Variants in MTOR observed in about 807,000 individuals in gnomAD.
MTOR encodes the protein serine/threonine-protein kinase mTOR.
In MTOR, 70 loss-of-function variants were observed where a neutral mutation model predicts 319.8. The ratio of observed to expected loss-of-function variants is 0.22; its 90% CI spans 0.18 to 0.27. MTOR has a LOEUF of 0.27. Ranked by LOEUF, MTOR falls within the 10% of genes least tolerant of loss-of-function variation. The probability of loss-of-function intolerance (pLI) is 1.00; values close to 1 mark genes in which losing one functional copy is unlikely to be tolerated. For missense variants in MTOR, 1,890 were observed against 3,274.4 expected (o/e 0.58, Z 10.32); for synonymous variants, 1,183 against 1,211.4 (o/e 0.98, Z 0.49).
At chr1:11,134,235 G>A (rs938635148) in intron 37 of MTOR, 116 bp downstream of exon 37, 4 of 831,928 alleles carry the variant, frequency 4.8e-6, no homozygotes, top group African/African-American at 1.7e-5. Flanking sequence ...ACTGGAAAAG[G>A]AAAGAGAGAT....
chr1:11,106,673 C>G lies in MTOR; in HGVS notation c.*812G>C, dbSNP rs1641594318. The G allele has an allele frequency of 8.8e-7, 1 of 1,142,668 alleles. No individual in the cohort carries two copies. Among genetic ancestry groups the G allele is most frequent in the Non-Finnish European group, 1.1e-6 (1 of 923,142 alleles). 70.8% of individuals were successfully genotyped at this position (1,142,668 alleles called of 1,614,324 possible). A position where few individuals can be genotyped will look rare whatever the true frequency, so the allele number is the denominator to read the frequency against. ...TCATAATTTCCAATATGTACCAGAC[C>G]TTCCCTGTGTTCAGCACCTCCATGA... On this transcript the variant is annotated 3_prime_UTR_variant, in exon 58 of 58. Coordinates refer to ENST00000361445, the MANE Select transcript of MTOR (RefSeq NM_004958.4).
At chr1:11,148,404 G>C (rs1644009253) in intron 31 of MTOR, among the ~76,000 whole-genome samples, 2 of 152,152 alleles carry the variant, frequency 1.3e-5, no homozygotes, top group African/African-American at 4.8e-5. Flanking sequence ...CTGGTATAGA[G>C]CTATCGAAAA....
intron 29 of MTOR, among the ~76,000 whole-genome samples, chr1:11,164,677 C>G (rs1644587595): frequency 6.6e-6 from 1 of 152,160 alleles, no homozygotes; most frequent in Non-Finnish European, 1.5e-5. Flanking sequence ...CAAAGAGGAG[C>G]TGGTACCATT....
chr1:11,227,163 T>C (rs1353039159), intron 19 of MTOR, among the ~76,000 whole-genome samples: 1 of 151,414 alleles, frequency 6.6e-6, no homozygotes, highest in Non-Finnish European at 1.5e-5. Flanking sequence ...CCGGGCTTGG[T>C]GGTGCACCCC....
intron 19 of MTOR, among the ~76,000 whole-genome samples, chr1:11,221,449 C>T (rs1246896873): frequency 2.6e-5 from 4 of 151,958 alleles, no homozygotes; most frequent in Non-Finnish European, 5.9e-5. Flanking sequence ...TTAATACTAA[C>T]ATTGGTCATT....
At chr1:11,260,882 C>G (rs1192051751) in intron 1 of MTOR, among the ~76,000 whole-genome samples, 1 of 151,342 alleles carries the variant, frequency 6.6e-6, no homozygotes, top group African/African-American at 2.4e-5. Flanking sequence ...ATCCACCTCC[C>G]GGGTTCAAAT....
chr1:11,231,118 C>T (rs1173425998), intron 17 of MTOR, 64 bp from the exon 18 acceptor site: 35 of 1,610,764 alleles, frequency 2.2e-5, no homozygotes, highest in African/African-American at 1.6e-4. Flanking sequence ...ACAAGTATCA[C>T]GGATACTCCT....
rs549247994 is a variant in MTOR, at chr1:11,228,648, T to C, written c.3030+20A>G. 19 of 1,611,058 alleles carry C rather than the reference T, an allele frequency of 1.2e-5. No individual in the cohort carries two copies. In the East Asian group the frequency reaches 3.8e-4, roughly 32 times the overall value. ...GTGGTGCAGAGGAGAAAGAGAAGGA[T>C]TGGGGTTTGAGGTACTTACTTCCCG... On this transcript the variant is annotated intron_variant, in intron 19 of 57. Transcript: ENST00000361445.
rs2100412317 is a variant in MTOR, at chr1:11,127,985, C to T, written c.6033+19G>A. On this transcript the variant is annotated intron_variant, in intron 43 of 57. Coordinates refer to ENST00000361445, the MANE Select transcript of MTOR (RefSeq NM_004958.4). The surrounding 1 kb of genome is among the most constrained non-coding windows in gnomAD (Gnocchi z 5.5). Reference sequence around the variant, plus strand: ...TAAGGGACCAGGGTCTATGAAGCCCCACAGTGGCTCCGACCCACCATCATG... The same window carrying T: ...TAAGGGACCAGGGTCTATGAAGCCCTACAGTGGCTCCGACCCACCATCATG... 1 of 1,613,086 alleles carries T rather than the reference C, an allele frequency of 6.2e-7. No individual in the cohort carries two copies. The highest frequency in any genetic ancestry group is 8.5e-7 in the Non-Finnish European group (1 of 1,179,924).
At chr1:11,228,592 G>C (rs2100853192) in intron 19 of MTOR, 76 bp downstream of exon 19, 2 of 1,555,140 alleles carry the variant, frequency 1.3e-6, no homozygotes. Context: ...GCACAATTAA[G>C]AAGCTGAAGC....
chr1:11,171,276 T>C (rs1386370061), intron 28 of MTOR, among the ~76,000 whole-genome samples: 1 of 151,914 alleles, frequency 6.6e-6, no homozygotes, highest in African/African-American at 2.4e-5. Flanking sequence ...TTCTATTTTC[T>C]TTTCTTCTTT....
chr1:11,143,382 T>A (rs1643805394), intron 34 of MTOR, among the ~76,000 whole-genome samples: 1 of 152,212 alleles, frequency 6.6e-6, no homozygotes, highest in Non-Finnish European at 1.5e-5. Context: ...AGAAGGTTCA[T>A]CAGATCTCTG....
intron 39 of MTOR, 82 bp downstream of exon 39, chr1:11,130,447 C>G (rs1376229763): frequency 2.4e-5 from 37 of 1,555,398 alleles, no homozygotes; most frequent in Non-Finnish European, 3.1e-5. Flanking sequence ...GCCTCAGGTT[C>G]CTTTTAAGCT....
chr1:11,196,912 C>T (rs1645806285), intron 28 of MTOR, among the ~76,000 whole-genome samples: 1 of 151,144 alleles, frequency 6.6e-6, no homozygotes, highest in African/African-American at 2.4e-5. Context: ...TTGTGTAGGG[C>T]TACCCTAATT....
chr1:11,260,042 C>G (rs1309416634), intron 1 of MTOR, among the ~76,000 whole-genome samples: 1 of 152,170 alleles, frequency 6.6e-6, no homozygotes, highest in African/African-American at 2.4e-5. Context: ...TAATACGTGT[C>G]AAAAAGTGTT....
chr1:11,237,579 A>C (rs1647374967), intron 13 of MTOR, among the ~76,000 whole-genome samples: 1 of 151,990 alleles, frequency 6.6e-6, no homozygotes, highest in Admixed American at 6.6e-5. Flanking sequence ...ATCACTGGTG[A>C]CTTGCCAGGA....
chr1:11,215,295 T>C (rs1364780994), intron 20 of MTOR, among the ~76,000 whole-genome samples: 2 of 152,188 alleles, frequency 1.3e-5, no homozygotes, highest in African/African-American at 4.8e-5. Flanking sequence ...TAAATCCTCC[T>C]TGTACAGAGG....
At chr1:11,111,601 A>C (rs1255722325) in intron 54 of MTOR, 1 of 173,434 alleles carries the variant, frequency 5.8e-6, no homozygotes, top group Non-Finnish European at 1.2e-5. Context: ...CCTTTTCTGA[A>C]TCTCCACAGC....
chr1:11,151,215 C>A (rs1360464501), intron 30 of MTOR, among the ~76,000 whole-genome samples: 4 of 152,036 alleles, frequency 2.6e-5, no homozygotes, highest in African/African-American at 9.7e-5. Flanking sequence ...GACTGTGGAC[C>A]ACGTCTAGGA....
Sources: gnomAD v4.1 joint callset for allele counts (sites outside exome capture counted in the v4.1 genomes callset) on GRCh38, gnomAD v4.1.1 for gene constraint, Gnocchi (gnomAD v3.1) non-coding constraint, MANE v1.5 for transcripts, NCBI Gene and HGNC (gene_info 2026-07-23, HGNC 2026-07-21) for gene names.